Variants in PDE11A observed in about 807,000 individuals in gnomAD.
PDE11A encodes dual 3',5'-cyclic-AMP and -GMP phosphodiesterase 11A.
A neutral mutation model predicts 100.5 loss-of-function variants in PDE11A; 100 were observed. The observed-to-expected ratio is 1.00, with a 90% CI of 0.85 to 1.18. PDE11A has a LOEUF of 1.18. Among genes scored for constraint, PDE11A ranks in the 50% most tolerant of loss-of-function variants. PDE11A has a pLI of 0.00. For missense variants in PDE11A, 1,141 were observed against 1,152.6 expected, an observed-to-expected ratio of 0.99 and a Z score of 0.15; for synonymous variants, 381 against 420.8, an observed-to-expected ratio of 0.91 and a Z score of 1.16.
Position 177,853,772 on chromosome 2 carries a change from A to ATC in PDE11A, c.1368-13391_1368-13390dup, listed in dbSNP as rs147695134. 2.9e-5 allele frequency among the ~76,000 whole-genome samples: 4 copies of ATC among 136,196 alleles called. No individual in the cohort carries two copies. The East Asian group carries it at 8.3e-4, about 28-fold the overall frequency. The allele number at this position is 136,196 out of a possible 152,430, so 89.3% of individuals were successfully genotyped here. A position where few individuals can be genotyped will look rare whatever the true frequency, so the allele number is the denominator to read the frequency against. The stretch of plus-strand genomic sequence containing the variant: ...TATATATATCTATATATGTATATAT[A>ATC]TCTATATATGTGTATAGATATATAT... On this transcript the variant is annotated intron_variant, in intron 5 of 19. Coordinates refer to ENST00000286063, the MANE Select transcript of PDE11A (RefSeq NM_016953.4).
chr2:178,054,723 T>C (rs1574371718), intron 1 of PDE11A, among the ~76,000 whole-genome samples: 1 of 152,344 alleles, frequency 6.6e-6, no homozygotes, highest in South Asian at 2.1e-4. Flanking sequence ...AAGACATTTA[T>C]GCAGCCAAAA....
At chr2:177,735,337 C>T (rs1264708751) in intron 10 of PDE11A, among the ~76,000 whole-genome samples, 4 of 151,786 alleles carry the variant, frequency 2.6e-5, no homozygotes, top group African/African-American at 7.2e-5. Flanking sequence ...TAAGAAAAGC[C>T]GTGGACTCCA....
chr2:177,950,774 C>T (rs2085496193), intron 2 of PDE11A, among the ~76,000 whole-genome samples: 1 of 152,130 alleles, frequency 6.6e-6, no homozygotes, highest in African/African-American at 2.4e-5. Context: ...AGCCGAGCGC[C>T]ATGGCAGGCG....
rs574127473 is a variant in PDE11A, at chr2:178,049,974, C to T, written c.912+21552G>A. ...CAGAAGCTTCTGCAGACTTAAACAT[C>T]CCTGTCTGACAGCTTTGAAGAGAGT... On this transcript the variant is annotated intron_variant, in intron 1 of 19. Coordinates refer to ENST00000286063, the MANE Select transcript of PDE11A (RefSeq NM_016953.4). Among the ~76,000 whole-genome samples the T allele has an allele frequency of 1.6e-4, 25 of 152,308 alleles. 1 individual carries two copies. The South Asian group carries it at 1.7e-3, about 10-fold the overall frequency.
At chr2:178,008,594 A>G (rs1246662825) in intron 2 of PDE11A, among the ~76,000 whole-genome samples, 1 of 152,146 alleles carries the variant, frequency 6.6e-6, no homozygotes, top group African/African-American at 2.4e-5. Context: ...AATCTTAAAC[A>G]TTCTCCTCAC....
intron 5 of PDE11A, among the ~76,000 whole-genome samples, chr2:177,873,400 A>G (rs1262928125): frequency 6.6e-6 from 1 of 152,228 alleles, no homozygotes; most frequent in African/African-American, 2.4e-5. Context: ...ACTACTAGTA[A>G]CTTTCTATGC....
chr2:177,702,123 G>A (rs982350963), intron 13 of PDE11A, among the ~76,000 whole-genome samples: 1 of 151,946 alleles, frequency 6.6e-6, no homozygotes, highest in Non-Finnish European at 1.5e-5. Flanking sequence ...TACTTAAAGG[G>A]ATTACTTTGA....
At chr2:178,067,858 T>C (rs888573751) in intron 1 of PDE11A, among the ~76,000 whole-genome samples, 3 of 152,200 alleles carry the variant, frequency 2.0e-5, no homozygotes, top group Non-Finnish European at 4.4e-5. Flanking sequence ...AATGAAGCTG[T>C]TGTGTAAACA....
chr2:177,706,307 T>G (rs2081278764), intron 13 of PDE11A, among the ~76,000 whole-genome samples: 1 of 152,192 alleles, frequency 6.6e-6, no homozygotes, highest in Non-Finnish European at 1.5e-5. Context: ...TAATAATTGG[T>G]GCATTTAAAT....
intron 5 of PDE11A, among the ~76,000 whole-genome samples, chr2:177,853,861 T>G (rs1277754913): frequency 6.9e-6 from 1 of 145,122 alleles, no homozygotes; most frequent in East Asian, 2.0e-4. Context: ...TATATATATC[T>G]ATATATGTAT....
rs114701731 is a variant in PDE11A, at chr2:177,854,563, A to C, written c.1368-14180T>G. Among the ~76,000 whole-genome samples the C allele has an allele frequency of 7.2e-3, 1,099 of 152,248 alleles. 13 individuals are homozygous for C. The highest frequency in any genetic ancestry group is 0.025 in the African/African-American group (1,024 of 41,560). On this transcript the variant is annotated intron_variant, in intron 5 of 19. Transcript: ENST00000286063. The stretch of plus-strand genomic sequence containing the variant: ...TTTGTGGGGGAAAATATGGAATCCC[A>C]GAAGTATCAAAGCAACATGATTCCC...
chr2:178,100,835 C>T (rs938183743), intron 2 of PDE11A, among the ~76,000 whole-genome samples: 5 of 152,126 alleles, frequency 3.3e-5, no homozygotes, highest in African/African-American at 9.7e-5. Flanking sequence ...ATAAATTCCT[C>T]AAACTACTGG....
chr2:177,930,371 A>G (rs774261051), intron 2 of PDE11A, among the ~76,000 whole-genome samples: 39 of 152,174 alleles, frequency 2.6e-4, no homozygotes, highest in Admixed American at 5.9e-4. Flanking sequence ...GTAAACAACC[A>G]TATTCAATAA....
At chr2:177,719,796 C>T (rs1204108798) in intron 12 of PDE11A, among the ~76,000 whole-genome samples, 1 of 152,014 alleles carries the variant, frequency 6.6e-6, no homozygotes, top group Non-Finnish European at 1.5e-5. Context: ...TTATTAAAAT[C>T]ACATTTATTT....
chr2:177,658,016 C>T (rs2080416131), intron 19 of PDE11A, among the ~76,000 whole-genome samples: 1 of 152,172 alleles, frequency 6.6e-6, no homozygotes, highest in African/African-American at 2.4e-5. Flanking sequence ...GGACCACAGA[C>T]TTAAGTAGCC....
chr2:178,032,707 G>T (rs1400413769), intron 1 of PDE11A, among the ~76,000 whole-genome samples: 1 of 152,168 alleles, frequency 6.6e-6, no homozygotes, highest in African/African-American at 2.4e-5. Context: ...GAAGGAGCAG[G>T]CAGCAGTCTT....
At chr2:177,850,973 T>G (rs1273888398) in intron 5 of PDE11A, among the ~76,000 whole-genome samples, 3 of 152,220 alleles carry the variant, frequency 2.0e-5, no homozygotes, top group African/African-American at 7.2e-5. Context: ...TGGAAGACAG[T>G]GTGGCGACTC....
chr2:178,099,078 C>T (rs1379765817), intron 2 of PDE11A, among the ~76,000 whole-genome samples: 1 of 152,190 alleles, frequency 6.6e-6, no homozygotes, highest in Non-Finnish European at 1.5e-5. Context: ...CTTCAATGCA[C>T]TATAAAGACA....
At position 178,066,422 on chromosome 2, in the gene PDE11A, C is replaced by T. The variant is rs2087044749; in HGVS notation, c.912+5104G>A. ...TATCATTGAATTTGTGCTTTGTAAGCATAGTCCAATGGAACAATGGAGTAT... is the reference window on the plus strand; with the variant it reads ...TATCATTGAATTTGTGCTTTGTAAGTATAGTCCAATGGAACAATGGAGTAT... On this transcript the variant is annotated intron_variant, in intron 1 of 19. Transcript: ENST00000286063. Among the ~76,000 whole-genome samples, 4 of 152,158 alleles carry T rather than the reference C, an allele frequency of 2.6e-5. No individual in the cohort carries two copies. In the South Asian group the frequency reaches 8.3e-4, roughly 32 times the overall value.
Sources: allele counts gnomAD v4.1 joint callset (sites outside exome capture counted in the v4.1 genomes callset), GRCh38; gene constraint gnomAD v4.1.1; transcripts MANE v1.5; gene names NCBI Gene and HGNC (gene_info 2026-07-23, HGNC 2026-07-21).